DGAT2: variants seen among roughly 807,000 people sequenced by gnomAD.
The protein encoded by DGAT2 is diacylglycerol O-acyltransferase 2.
A neutral mutation model predicts 48.4 loss-of-function variants in DGAT2; 33 were observed. The observed-to-expected ratio is 0.68, with a 90% confidence interval of 0.52 to 0.91. DGAT2 has a LOEUF of 0.91. Ranked by LOEUF, DGAT2 falls within the 40% of genes least tolerant of loss-of-function variation. The probability of loss-of-function intolerance (pLI) is 0.00; values close to 1 mark genes in which losing one functional copy is unlikely to be tolerated. For synonymous variants in DGAT2, 191 were observed against 194.1 expected (o/e 0.98, Z 0.13); for missense variants, 446 against 493.7 (o/e 0.90, Z 0.92).
intron 1 of DGAT2, among the ~76,000 whole-genome samples, chr11:75,780,155 C>T (rs1944845686): frequency 6.6e-6 from 1 of 152,166 alleles, no homozygotes; most frequent in African/African-American, 2.4e-5. Flanking sequence ...GGTGGCCCCA[C>T]CCAGGAGTCA....
intron 1 of DGAT2, among the ~76,000 whole-genome samples, chr11:75,777,129 C>A (rs1026414163): frequency 6.6e-6 from 1 of 152,066 alleles, no homozygotes; most frequent in African/African-American, 2.4e-5. Flanking sequence ...GGGATGTGGG[C>A]AGGGTGACCC....
At chr11:75,789,291 G>A (rs768529625) in intron 2 of DGAT2, among the ~76,000 whole-genome samples, 1 of 152,154 alleles carries the variant, frequency 6.6e-6, no homozygotes, top group Non-Finnish European at 1.5e-5. Flanking sequence ...TGGGACTACA[G>A]GCACATGCCA....
rs1392243684 is a variant in DGAT2, at chr11:75,768,945, G to C, written c.-47G>C. 7.0e-7 allele frequency: 1 copy of C among 1,427,690 alleles called. No individual in the cohort carries two copies. The highest frequency in any genetic ancestry group is 3.0e-5 in the Admixed American group (1 of 33,152). The allele number at this position is 1,427,690 out of a possible 1,614,324, so 88.4% of individuals were successfully genotyped here. The stretch of plus-strand genomic sequence containing the variant: ...GGGCCGGGGCATGGGCCAGGGGCGC[G>C]GGGTGAAGCGGCTTCCCGCGGGGCC... On this transcript the variant is annotated 5_prime_UTR_variant, in exon 1 of 8. Transcript: ENST00000228027.
intron 1 of DGAT2, among the ~76,000 whole-genome samples, chr11:75,778,199 C>G (rs1944820981): frequency 7.1e-6 from 1 of 141,820 alleles, no homozygotes; most frequent in African/African-American, 2.5e-5. Flanking sequence ...ACTCACCCCC[C>G]TTTCTGGGTT....
At chr11:75,772,898 G>A (rs1044839815) in intron 1 of DGAT2, among the ~76,000 whole-genome samples, 4 of 152,222 alleles carry the variant, frequency 2.6e-5, no homozygotes, top group African/African-American at 9.7e-5. Flanking sequence ...GCTGAGGCAG[G>A]ATAGTCGCTT....
chr11:75,786,734 T>C (rs1194688086), intron 2 of DGAT2, among the ~76,000 whole-genome samples: 1 of 152,154 alleles, frequency 6.6e-6, no homozygotes, highest in Non-Finnish European at 1.5e-5. Flanking sequence ...TCCCTCTGCC[T>C]CTCAAACCTG....
chr11:75,773,742 G>A (rs1030748471), intron 1 of DGAT2: 1 of 152,238 alleles, frequency 6.6e-6, no homozygotes, highest in Non-Finnish European at 1.5e-5. Flanking sequence ...TGCGTTTGAG[G>A]AAGTGAGACC....
At chr11:75,798,578 A>T (rs1945080723) in intron 7 of DGAT2, 149 bp downstream of exon 7, 2 of 887,392 alleles carry the variant, frequency 2.3e-6, no homozygotes, top group Admixed American at 4.9e-5. Context: ...GGGTGCTGAT[A>T]TTGGTCAGGA....
intron 1 of DGAT2, chr11:75,784,397 T>G: frequency 6.3e-6 from 3 of 479,540 alleles, no homozygotes; most frequent in East Asian, 3.6e-5. Context: ...ACCATTCCCA[T>G]TGTGTATCTA....
chr11:75,793,585 G>A (rs941600290), intron 4 of DGAT2: 1 of 152,270 alleles, frequency 6.6e-6, no homozygotes, highest in African/African-American at 2.4e-5. Context: ...TCCAAGGAAT[G>A]GCTTAGACCT....
intron 5 of DGAT2, 120 bp from the exon 6 acceptor site, chr11:75,797,038 G>A: frequency 2.0e-6 from 2 of 985,072 alleles, no homozygotes; most frequent in South Asian, 4.7e-5. Flanking sequence ...ACTCCAAAGG[G>A]GCTGGGCTAG....
At chr11:75,778,777 C>T (rs563368324) in intron 1 of DGAT2, among the ~76,000 whole-genome samples, 4 of 142,246 alleles carry the variant, frequency 2.8e-5, no homozygotes, top group African/African-American at 8.1e-5. Context: ...GAGGTTGCAG[C>T]GAGTCGAGAT....
At chr11:75,785,352 C>T (rs371146600) in intron 2 of DGAT2, among the ~76,000 whole-genome samples, 45 of 152,328 alleles carry the variant, frequency 3.0e-4, no homozygotes, top group African/African-American at 1.1e-3. Flanking sequence ...TGGGAATCAT[C>T]GGGAGGTGCC....
intron 2 of DGAT2, 119 bp downstream of exon 2, chr11:75,784,865 GC>G: frequency 7.2e-7 from 1 of 1,380,158 alleles, no homozygotes. Flanking sequence ...TACACATGCT[GC>G]CCCACAGCAC....
chr11:75,797,815 G>A (rs1049080262), intron 6 of DGAT2, among the ~76,000 whole-genome samples: 18 of 152,180 alleles, frequency 1.2e-4, no homozygotes, highest in Non-Finnish European at 1.9e-4. Flanking sequence ...GAGCACCAAG[G>A]GTGGGGGAGG....
rs114723237 is a variant in DGAT2 at position 75,787,489 on chromosome 11, G to A, written c.251-2699G>A. On this transcript the variant is annotated intron_variant, in intron 2 of 7. Transcript: ENST00000228027. ...GGCTTCAGAATTTTGTATCACAAGT[G>A]TCTTTGTAGGCCACCATAATGTGCA... Among the ~76,000 whole-genome samples, 583 of 152,314 alleles carry A rather than the reference G, an allele frequency of 3.8e-3. 4 individuals carry two copies. Among genetic ancestry groups the A allele is most frequent in the African/African-American group, 0.013 (544 of 41,566 alleles).
Position 75,796,441 on chromosome 11 carries a change from G to C in DGAT2, c.543G>C (p.Val181=), listed in dbSNP as rs758526701. ...FCNFSTEATE[V]SKKFPGIRPY... Reference sequence around the variant, plus strand: ...ACTTCAGCACAGAGGCCACAGAAGTGAGCAAGAAGTTCCCAGGCATACGGC... The same window carrying C: ...ACTTCAGCACAGAGGCCACAGAAGTCAGCAAGAAGTTCCCAGGCATACGGC... The change falls in exon 5 of 8, where the codon GTG becomes GTC. Residue 181 remains valine, a synonymous_variant. Coordinates refer to ENST00000228027, the MANE Select transcript of DGAT2 (RefSeq NM_032564.5). 2 of 1,614,120 alleles carry C rather than the reference G, an allele frequency of 1.2e-6. No individual in the cohort carries two copies. The highest frequency in any genetic ancestry group is 1.7e-4 in the Middle Eastern group (1 of 6,046).
intron 1 of DGAT2, among the ~76,000 whole-genome samples, chr11:75,777,510 A>G (rs550584785): frequency 1.3e-5 from 2 of 152,160 alleles, no homozygotes; most frequent in African/African-American, 4.8e-5. Context: ...GCTCTTGGCT[A>G]TACATTATCT....
At position 75,786,589 on chromosome 11, in the gene DGAT2, G is replaced by C; in HGVS notation, c.250+1843G>C. On this transcript the variant is annotated intron_variant, in intron 2 of 7. Transcript: ENST00000228027. ...CAGACCCAACCACAGCCCAGAAACC[G>C]GCCCAGCATCTTCTCAACACCCTCG... Among the ~76,000 whole-genome samples, 5 of 152,268 alleles carry C rather than the reference G, an allele frequency of 3.3e-5. No homozygotes were observed. In the East Asian group the frequency reaches 5.8e-4, roughly 18 times the overall value.
Sources: gnomAD v4.1 joint callset for allele counts (sites outside exome capture counted in the v4.1 genomes callset) on GRCh38, gnomAD v4.1.1 for gene constraint, MANE v1.5 for transcripts, NCBI Gene and HGNC (gene_info 2026-07-23, HGNC 2026-07-21) for gene names.